MUC3A: variants seen among roughly 807,000 people sequenced by gnomAD.
The protein encoded by MUC3A is mucin 3A, cell surface associated.
A neutral mutation model predicts 109.0 loss-of-function variants in MUC3A; 109 were observed. The observed-to-expected ratio is 1.00, with a 90% confidence interval of 0.86 to 1.17. MUC3A has a LOEUF of 1.17. Among genes scored for constraint, MUC3A ranks in the 50% most tolerant of loss-of-function variants. The pLI is 0.00. For synonymous variants in MUC3A, 1,398 were observed against 981.4 expected, an observed-to-expected ratio of 1.42 and a Z score of -7.93; for missense variants, 3,537 against 2,469.4, an observed-to-expected ratio of 1.43 and a Z score of -9.16.
intron 10 of MUC3A, 64 bp from the exon 11 acceptor site, chr7:100,966,835 G>A (rs1480872549): frequency 8.1e-6 from 13 of 1,598,258 alleles, no homozygotes; most frequent in African/African-American, 8.0e-5. Flanking sequence ...CATTTACTCC[G>A]TCCCCCTCTC....
intron 8 of MUC3A, chr7:100,966,094 G>T: frequency 2.2e-6 from 1 of 458,116 alleles, no homozygotes; most frequent in Admixed American, 8.8e-5. Context: ...AGAGAACCCC[G>T]CCCACTCATT....
intron 5 of MUC3A, 116 bp downstream of exon 5, chr7:100,963,868 G>T (rs1196041260): frequency 6.9e-7 from 1 of 1,444,276 alleles, no homozygotes; most frequent in Non-Finnish European, 9.4e-7. Flanking sequence ...GGTGGAGGGG[G>T]TACATAAGGA....
chr7:100,960,398 G>C lies in MUC3A; in HGVS notation c.8619G>C (p.Leu2873=). 1 of 1,598,538 alleles carries C rather than the reference G, an allele frequency of 6.3e-7. No individual in the cohort carries two copies. The highest frequency in any genetic ancestry group is 8.5e-7 in the Non-Finnish European group (1 of 1,179,828). ...STRLPTSETW[L]SNSSVIPLPL... ...GACTGCCCACCAGTGAGACCTGGCT[G>C]AGCAACAGTTCTGTGATCCCCCTAC... The change falls in exon 2 of 12, where the codon CTG becomes CTC. Residue 2873 remains leucine (L), a synonymous_variant. Transcript: ENST00000379458.
Position 100,963,196 on chromosome 7 carries a change from A to G in MUC3A, c.9098A>G (p.Gln3033Arg), listed in dbSNP as rs933002004. 6.3e-7 allele frequency: 1 copy of G among 1,598,364 alleles called. No homozygotes were observed. Among genetic ancestry groups the G allele is most frequent in the East Asian group, 2.2e-5 (1 of 44,890 alleles). ...EVGMEVSVDQ[Q>R]FSPDLNDNTS... ...GGCATGGAAGTGTCTGTGGATCAGC[A>G]GTTCTCGCCGGACCTCAATGACAAC... The change falls in exon 4 of 12, where the codon CAG becomes CGG. Residue 3033 changes from glutamine to arginine, a missense_variant. Physicochemically the swap from Gln to Arg is conservative, Grantham distance 43. Transcript: ENST00000379458.
At chr7:100,966,226 C>G in intron 8 of MUC3A, 160 bp from the exon 9 acceptor site, 2 of 797,354 alleles carry the variant, frequency 2.5e-6, no homozygotes, top group Middle Eastern at 4.1e-4. Flanking sequence ...GAGCCCCGGC[C>G]CCTCGTTCTA....
At position 100,954,575 on chromosome 7, in the gene MUC3A, C is replaced by G. The variant is rs1792052874; in HGVS notation, c.2796C>G (p.Gly932=). Residue 932 remains glycine (G), a synonymous_variant, in exon 2 of 12, where the codon GGC becomes GGG. Coordinates refer to ENST00000379458, the MANE Select transcript of MUC3A (RefSeq NM_005960.2). ...THTESISSPR[G]TTSTLHTTVE... ...CAGAGAGTATCTCCTCACCTCGAGGCACCACCAGTACACTCCACACAACAG... is the reference window on the plus strand; with the variant it reads ...CAGAGAGTATCTCCTCACCTCGAGGGACCACCAGTACACTCCACACAACAG... The G allele has an allele frequency of 2.5e-6, 1 of 400,656 alleles. No individual in the cohort carries two copies. Among genetic ancestry groups the G allele is most frequent in the Non-Finnish European group, 4.4e-6 (1 of 227,512 alleles). 24.8% of individuals were successfully genotyped at this position (400,656 alleles called of 1,614,324 possible).
At position 100,955,757 on chromosome 7, in the gene MUC3A, C is replaced by G. The variant is rs1032371054; in HGVS notation, c.3978C>G (p.Thr1326=). Residue 1326 remains threonine (T), a synonymous_variant, in exon 2 of 12, where the codon ACC becomes ACG. Coordinates refer to ENST00000379458, the MANE Select transcript of MUC3A (RefSeq NM_005960.2). The stretch of plus-strand genomic sequence containing the variant: ...CTGAATCCGCCCTGGCACCCACTAC[C>G]ACCACCTCATTCACCACATCCCCAA... ...TTAESALAPT[T]TTSFTTSPTM... 7.5e-6 allele frequency: 2 copies of G among 266,692 alleles called. No individual in the cohort carries two copies. Among genetic ancestry groups the G allele is most frequent in the African/African-American group, 1.3e-4 (2 of 15,310 alleles). The allele number at this position is 266,692 out of a possible 1,614,324, so 16.5% of individuals were successfully genotyped here.
chr7:100,963,583 C>A, intron 4 of MUC3A, 105 bp from the exon 5 acceptor site: 1 of 1,555,246 alleles, frequency 6.4e-7, no homozygotes, highest in Non-Finnish European at 8.7e-7. Context: ...CGGCACCCGG[C>A]CGGGGAGGGG....
At position 100,965,993 on chromosome 7, in the gene MUC3A, G is replaced by C; in HGVS notation, c.9611+127G>C. ...AGTGGAGCCTCGTCCCCAGAGTGCC[G>C]CTCCAAGCCCATCCCCGTTGCCCTA... is the stretch of plus-strand genomic sequence containing the variant. On this transcript the variant is annotated intron_variant, in intron 8 of 11. Transcript: ENST00000379458. The C allele has an allele frequency of 1.4e-5, 20 of 1,385,362 alleles. No homozygotes were observed. The South Asian group carries it at 3.0e-4, about 21-fold the overall frequency. 85.8% of individuals were successfully genotyped at this position (1,385,362 alleles called of 1,614,324 possible).
At chr7:100,963,875 A>G in intron 5 of MUC3A, 123 bp downstream of exon 5, 1 of 1,402,562 alleles carries the variant, frequency 7.1e-7, no homozygotes, top group Non-Finnish European at 9.8e-7. Context: ...GGGGTACATA[A>G]GGAATCACTC....
chr7:100,967,335 A>G lies in MUC3A; in HGVS notation c.*173A>G. ...TCCTTCTCCTTCCAACTTGGCTGAA[A>G]CCCACCTGGAGACGCAGTTCACGTC... On this transcript the variant is annotated 3_prime_UTR_variant, in exon 12 of 12. Transcript: ENST00000379458. 1.9e-6 allele frequency: 2 copies of G among 1,060,340 alleles called. No homozygotes were observed. The highest frequency in any genetic ancestry group is 2.7e-6 in the Non-Finnish European group (2 of 741,644). 65.7% of individuals were successfully genotyped at this position (1,060,340 alleles called of 1,614,324 possible). A position where few individuals can be genotyped will look rare whatever the true frequency, so the allele number is the denominator to read the frequency against.
At chr7:100,961,883 G>A (rs1792342325) in intron 3 of MUC3A, among the ~76,000 whole-genome samples, 2 of 152,308 alleles carry the variant, frequency 1.3e-5, no homozygotes, top group African/African-American at 4.8e-5. Context: ...CGAGGAGGGA[G>A]TATCGCTTGA....
Position 100,960,058 on chromosome 7 carries a change from A to T in MUC3A, c.8279A>T (p.Tyr2760Phe). The change falls in exon 2 of 12, where the codon TAT (tyrosine) becomes TTT (phenylalanine). Residue 2760 changes from tyrosine (Y) to phenylalanine (F), a missense_variant. Transcript: ENST00000379458. ...CTCACTGAAATAACCCCCTTTTCTT[A>T]TATTTCCCTTCCCTCCACCACACCC... is the stretch of plus-strand genomic sequence containing the variant. ...TALTEITPFS[Y>F]ISLPSTTPCP... 1 of 1,510,110 alleles carries T rather than the reference A, an allele frequency of 6.6e-7. No homozygotes were observed. Among genetic ancestry groups the T allele is most frequent in the Non-Finnish European group, 8.8e-7 (1 of 1,140,290 alleles). 93.5% of individuals were successfully genotyped at this position (1,510,110 alleles called of 1,614,324 possible). A position where few individuals can be genotyped will look rare whatever the true frequency, so the allele number is the denominator to read the frequency against.
At position 100,952,171 on chromosome 7, in the gene MUC3A, C is replaced by G. The variant is rs1469373661; in HGVS notation, c.392C>G (p.Pro131Arg). The G allele has an allele frequency of 2.2e-5, 35 of 1,598,400 alleles. No homozygotes were observed. The highest frequency in any genetic ancestry group is 3.0e-5 in the Non-Finnish European group (35 of 1,179,756). Residue 131 changes from proline to arginine, a missense_variant, in exon 2 of 12, where the codon CCA (proline) becomes CGA (arginine). By Grantham distance (103) the Pro-to-Arg change is moderately radical (BLOSUM62 -2). Coordinates refer to ENST00000379458, the MANE Select transcript of MUC3A (RefSeq NM_005960.2). ...TCAGCCACCACTGAGTGCGTGTATC[C>G]AACGAGCTTTATAATCACCATCTCC... ...VYSATTECVY[P>R]TSFIITISHP...
chr7:100,964,746 C>A lies in MUC3A; in HGVS notation c.9285C>A (p.Ser3095Arg), dbSNP rs199794409. Residue 3095 changes from serine to arginine, a missense_variant, in exon 6 of 12, where the codon AGC becomes AGA. Ser to Arg is a moderately radical substitution (Grantham distance 110). Coordinates refer to ENST00000379458, the MANE Select transcript of MUC3A (RefSeq NM_005960.2). ...DYLVLLEMPF[S>R]PQLESEYEQV... ...TGGTCCTGCTGGAGATGCCCTTCAGCCCCCAGCTGGAGAGCGAGTATGAGC... is the reference window on the plus strand; with the variant it reads ...TGGTCCTGCTGGAGATGCCCTTCAGACCCCAGCTGGAGAGCGAGTATGAGC... The A allele has an allele frequency of 8.2e-5, 131 of 1,598,178 alleles. No individual in the cohort carries two copies. The East Asian group carries it at 2.9e-3, about 35-fold the overall frequency.
intron 11 of MUC3A, 53 bp from the exon 12 acceptor site, chr7:100,967,068 G>T (rs1792611537): frequency 6.3e-7 from 1 of 1,598,390 alleles, no homozygotes. Context: ...TGACCTCCCT[G>T]TCAGCCCAAA....
chr7:100,963,066 G>A (rs1792392677), intron 3 of MUC3A, 85 bp from the exon 4 acceptor site: 1 of 1,458,048 alleles, frequency 6.9e-7, no homozygotes, highest in Non-Finnish European at 9.3e-7. Context: ...GCAGCAGGAG[G>A]AGCCTGTGGG....
chr7:100,965,671 T>A (rs1792507555), intron 7 of MUC3A, 33 bp from the exon 8 acceptor site: 15 of 1,584,506 alleles, frequency 9.5e-6, no homozygotes, highest in Non-Finnish European at 1.3e-5. Context: ...GATGAGGTCC[T>A]TGTCTCTGTG....
intron 1 of MUC3A, among the ~76,000 whole-genome samples, chr7:100,950,308 G>C (rs1163916667): frequency 1.2e-4 from 18 of 152,390 alleles, no homozygotes; most frequent in African/African-American, 4.1e-4. Context: ...GGGTGCGTCT[G>C]AGACTACCCG....
Sources: allele counts gnomAD v4.1 joint callset (sites outside exome capture counted in the v4.1 genomes callset), GRCh38; gene constraint gnomAD v4.1.1; transcripts MANE v1.5; gene names NCBI Gene and HGNC (gene_info 2026-07-23, HGNC 2026-07-21).